The following PRCD variants were observed in gnomAD, a reference collection of about 807,000 sequenced individuals.
PRCD encodes photoreceptor disk component PRCD.
In PRCD, 12 loss-of-function variants were observed where a neutral mutation model predicts 10.1. That is an observed-to-expected ratio of 1.18 (90% CI 0.76 to 1.92). PRCD has a LOEUF of 1.92. Among genes scored for constraint, PRCD ranks in the 40% most tolerant of loss-of-function variants. The pLI, the probability that PRCD is intolerant of heterozygous loss-of-function variation, is 0.00. For missense variants in PRCD, 61 were observed against 72.2 expected, an observed-to-expected ratio of 0.84 and a Z score of 0.56; for synonymous variants, 31 against 26.2, an observed-to-expected ratio of 1.18 and a Z score of -0.56.
intron 1 of PRCD, among the ~76,000 whole-genome samples, chr17:76,534,180 CTT>C (rs2074888827): frequency 4.3e-5 from 6 of 140,222 alleles, no homozygotes; most frequent in African/African-American, 1.4e-4. Context: ...CTCTCTCTTT[CTT>C]TCTTTCTTTC....
downstream of PRCD, among the ~76,000 whole-genome samples, chr17:76,547,701 ACACACACACACAGAGACACATACATT>A (rs2075066234): frequency 6.6e-6 from 1 of 151,070 alleles, no homozygotes; most frequent in Non-Finnish European, 1.5e-5. Flanking sequence ...ACACACACAG[ACACACACACACAGAGACACATACATT>A]CACACACACA....
rs113981518 is a variant in PRCD, at chr17:76,544,957, A to G, written c.*1307A>G. The G allele has an allele frequency of 1.5e-4, 68 of 456,450 alleles. 2 individuals carry two copies. The highest frequency in any genetic ancestry group is 1.1e-3 in the African/African-American group (55 of 50,146). 28.3% of individuals were successfully genotyped at this position (456,450 alleles called of 1,614,324 possible). ...GCTGCTCCAGGGATCCATCCAGAGG[A>G]AGGGCGGGAAAAAGAGAGGAAGGGG... On this transcript the variant is annotated 3_prime_UTR_variant, in exon 5 of 5. Transcript: ENST00000592014.
chr17:76,538,129 CA>C (rs1431365107), upstream of PRCD: 4 of 155,874 alleles, frequency 2.6e-5, no homozygotes, highest in Non-Finnish European at 4.2e-5. Flanking sequence ...GGAACTGACT[CA>C]AAGTCCAACA....
chr17:76,531,224 G>A lies in PRCD; in HGVS notation n.45+3391G>A. 2 of 1,434,380 alleles carry A rather than the reference G, an allele frequency of 1.4e-6. No homozygotes were observed. Among genetic ancestry groups the A allele is most frequent in the Non-Finnish European group, 1.9e-6 (2 of 1,047,584 alleles). 88.9% of individuals were successfully genotyped at this position (1,434,380 alleles called of 1,614,324 possible). On this transcript the variant is annotated intron_variant and non_coding_transcript_variant, in intron 1 of 4. Transcript: ENST00000397633. The surrounding 1 kb of genome is among the most constrained non-coding windows in gnomAD (Gnocchi z 7.4). ...CCCCAGGCCCCTCCGCCCCACGTGT[G>A]GCCGAGAGGATCATTCCTAACGCAA...
Position 76,533,950 on chromosome 17 carries a change from C to T in PRCD, n.45+6117C>T, listed in dbSNP as rs575694214. On this transcript the variant is annotated intron_variant and non_coding_transcript_variant, in intron 1 of 4. Coordinates refer to the PRCD transcript ENST00000397633. The surrounding 1 kb of genome is among the most constrained non-coding windows in gnomAD (Gnocchi z 4.5). ...GGAGGCTGCAGCAGGAAGATCCGAT[C>T]GCATCACGAGCCCAGGATTGGAGGC... Among the ~76,000 whole-genome samples, 24 of 151,772 alleles carry T rather than the reference C, an allele frequency of 1.6e-4. No individual in the cohort carries two copies. Among genetic ancestry groups the T allele is most frequent in the African/African-American group, 4.8e-4 (20 of 41,356 alleles).
In PRCD at chr17:76,530,476, G is replaced by T. The variant is rs2074823373; in HGVS notation, n.45+2643G>T. On this transcript the variant is annotated intron_variant and non_coding_transcript_variant, in intron 1 of 4. Coordinates refer to the PRCD transcript ENST00000397633. This position sits in a 1 kb window ranked among gnomAD's most constrained non-coding sequence, Gnocchi z 6.1. ...CCATGTAGCTTCCTCGTGGGCTGGG[G>T]TGTGTGTGTGTGTGTATGTGTCCTC... Among the ~76,000 whole-genome samples, 1 of 151,468 alleles carries T rather than the reference G, an allele frequency of 6.6e-6. No homozygotes were observed. The highest frequency in any genetic ancestry group is 2.4e-5 in the African/African-American group (1 of 41,250).
intron 1 of PRCD, among the ~76,000 whole-genome samples, chr17:76,534,146 T>TC (rs2074885915): frequency 1.6e-3 from 204 of 128,992 alleles, no homozygotes; most frequent in Non-Finnish European, 1.6e-3. Flanking sequence ...CTCTTTCTCT[T>TC]TCTCTCTCTC....
At chr17:76,538,289 A>C (rs1255402265), upstream of PRCD, 1 of 193,566 alleles carries the variant, frequency 5.2e-6, no homozygotes, top group Non-Finnish European at 1.1e-5. Flanking sequence ...CCGCGGCGCC[A>C]CTCCCACGGC....
chr17:76,535,211 C>G (rs182680481), upstream of PRCD, among the ~76,000 whole-genome samples: 2 of 152,354 alleles, frequency 1.3e-5, no homozygotes, highest in African/African-American at 2.4e-5. Flanking sequence ...GGAAGTGCAG[C>G]TGCCTCCTTC....
rs569713978 is a variant in PRCD, at chr17:76,530,677, C to G, written n.45+2844C>G. 6.6e-6 allele frequency among the ~76,000 whole-genome samples: 1 copy of G among 152,340 alleles called. No individual in the cohort carries two copies. Among genetic ancestry groups the G allele is most frequent in the East Asian group, 1.9e-4 (1 of 5,180 alleles). ...ACCGCCAGGAGCCTCTGGCGCCTCT[C>G]TGCCTGGGCAGCTGTGGCTTTGGGT... On this transcript the variant is annotated intron_variant and non_coding_transcript_variant, in intron 1 of 4. Coordinates refer to the PRCD transcript ENST00000397633. This position sits in a 1 kb window ranked among gnomAD's most constrained non-coding sequence, Gnocchi z 6.1.
chr17:76,547,582 ACT>A (rs1345187977), downstream of PRCD, among the ~76,000 whole-genome samples: 5 of 151,968 alleles, frequency 3.3e-5, no homozygotes, highest in South Asian at 4.1e-4. Flanking sequence ...TTACTAACAG[ACT>A]CAGCCTGTGC....
chr17:76,534,508 C>T (rs573871522), intron 1 of PRCD, among the ~76,000 whole-genome samples: 12 of 152,258 alleles, frequency 7.9e-5, no homozygotes, highest in Non-Finnish European at 1.5e-4. Context: ...CACAGCTAAG[C>T]GGGTATTACC....
chr17:76,544,070 T>G lies in PRCD; in HGVS notation c.*420T>G, dbSNP rs1220397904. ...GCCCCCAGCTGCTCTGCCATTTCTC[T>G]CTTTTCAATCCTGCATGATCCTGAG... On this transcript the variant is annotated 3_prime_UTR_variant, in exon 5 of 5. Transcript: ENST00000592014. 3 of 454,674 alleles carry G rather than the reference T, an allele frequency of 6.6e-6. No homozygotes were observed. Among genetic ancestry groups the G allele is most frequent in the Non-Finnish European group, 1.3e-5 (3 of 226,962 alleles). The allele number at this position is 454,674 out of a possible 1,614,324, so 28.2% of individuals were successfully genotyped here.
chr17:76,549,943 GTT>G (rs950657503), downstream of PRCD: 1 of 152,004 alleles, frequency 6.6e-6, no homozygotes, highest in Admixed American at 6.6e-5. Context: ...GAAGGTTTTT[GTT>G]TTTTTGTTTG....
chr17:76,547,320 C>G (rs2075061423), downstream of PRCD: 1 of 152,512 alleles, frequency 6.6e-6, no homozygotes, highest in Admixed American at 6.5e-5. Flanking sequence ...GGGCAGGGCC[C>G]TGGGGAGAGG....
chr17:76,534,585 C>G (rs955621358), intron 1 of PRCD, among the ~76,000 whole-genome samples: 2 of 152,232 alleles, frequency 1.3e-5, no homozygotes, highest in African/African-American at 4.8e-5. Context: ...TCTCACGAAT[C>G]CTTGCAATTC....
intron 1 of PRCD, among the ~76,000 whole-genome samples, chr17:76,534,483 A>C (rs1219072878): frequency 6.6e-6 from 1 of 152,136 alleles, no homozygotes; most frequent in African/African-American, 2.4e-5. Context: ...CCGGCCTGTT[A>C]TTGTATTTAA....
In PRCD at chr17:76,540,642, G is replaced by C; in HGVS notation, c.143+69G>C. 10 of 1,476,104 alleles carry C rather than the reference G, an allele frequency of 6.8e-6. No individual in the cohort carries two copies. Among genetic ancestry groups the C allele is most frequent in the Non-Finnish European group, 9.4e-6 (10 of 1,059,302 alleles). The allele number at this position is 1,476,104 out of a possible 1,614,324, so 91.4% of individuals were successfully genotyped here. A position where few individuals can be genotyped will look rare whatever the true frequency, so the allele number is the denominator to read the frequency against. ...GAAGCTGTGGCTGTGCATGCCTGGG[G>C]GTGCACGTGTGTGCCTGTGCGCGCC... On this transcript the variant is annotated intron_variant, in intron 2 of 4. Coordinates refer to ENST00000592014, the MANE Select transcript of PRCD (RefSeq NM_001077620.3). This position sits in a 1 kb window ranked among gnomAD's most constrained non-coding sequence, Gnocchi z 5.0.
downstream of PRCD, among the ~76,000 whole-genome samples, chr17:76,548,491 T>C (rs955092671): frequency 1.3e-5 from 2 of 152,208 alleles, no homozygotes; most frequent in Non-Finnish European, 2.9e-5. Context: ...GTTGGTCCTA[T>C]AGGAAGGCCC....
Sources: gnomAD v4.1 joint callset for allele counts (sites outside exome capture counted in the v4.1 genomes callset) on GRCh38, gnomAD v4.1.1 for gene constraint, Gnocchi (gnomAD v3.1) non-coding constraint, MANE v1.5 for transcripts, NCBI Gene and HGNC (gene_info 2026-07-23, HGNC 2026-07-21) for gene names.